Variants in RBFOX2 observed in about 807,000 individuals in gnomAD.
The protein encoded by RBFOX2 is RNA binding protein fox-1 homolog 2.
In RBFOX2, 10 loss-of-function variants were observed where a neutral mutation model predicts 49.1. The ratio of observed to expected loss-of-function variants is 0.20; its 90% CI spans 0.13 to 0.35. The LOEUF is 0.35. Ranked by LOEUF, RBFOX2 falls within the 10% of genes least tolerant of loss-of-function variation. RBFOX2 has a pLI of 1.00. For synonymous variants in RBFOX2, 183 were observed against 187.4 expected, an observed-to-expected ratio of 0.98 and a Z score of 0.19; for missense variants, 323 against 486.9, an observed-to-expected ratio of 0.66 and a Z score of 3.17.
Position 35,849,010 on chromosome 22 carries a change from C to G in RBFOX2, c.-33-39006G>C, listed in dbSNP as rs1025897717. Among the ~76,000 whole-genome samples, 3 of 152,044 alleles carry G rather than the reference C, an allele frequency of 2.0e-5. 1 individual carries two copies. Among genetic ancestry groups the G allele is most frequent in the African/African-American group, 7.2e-5 (3 of 41,392 alleles). ...TATTCAGAAATATGCTTGGCAATGA[C>G]CTAACATTTTCTGATTCTAAATTTC... is the stretch of plus-strand genomic sequence containing the variant. On this transcript the variant is annotated intron_variant, in intron 1 of 13. Transcript: ENST00000359369.
intron 4 of RBFOX2, among the ~76,000 whole-genome samples, chr22:35,777,449 A>T (rs2146998383): frequency 6.6e-6 from 1 of 152,372 alleles, no homozygotes; most frequent in East Asian, 1.9e-4. Context: ...TTTGTGATTT[A>T]GGTGACTCTA....
chr22:35,919,720 T>G (rs1452945516), intron 1 of RBFOX2, among the ~76,000 whole-genome samples: 1 of 152,296 alleles, frequency 6.6e-6, no homozygotes, highest in South Asian at 2.1e-4. Flanking sequence ...TGTTTTAAAG[T>G]GCCCTTGGAG....
At chr22:35,971,341 A>G (rs960460405) in intron 1 of RBFOX2, among the ~76,000 whole-genome samples, 3 of 152,220 alleles carry the variant, frequency 2.0e-5, no homozygotes, top group African/African-American at 7.2e-5. Context: ...ATTTTGAACC[A>G]TTCAGACAAG....
At chr22:36,019,254 G>A (rs566114543) in intron 1 of RBFOX2, among the ~76,000 whole-genome samples, 19 of 152,172 alleles carry the variant, frequency 1.2e-4, no homozygotes, top group African/African-American at 4.6e-4. Flanking sequence ...GCAAAGAATT[G>A]TCTCCCCTTC....
intron 2 of RBFOX2, among the ~76,000 whole-genome samples, chr22:35,805,018 T>C (rs1481970254): frequency 6.6e-6 from 1 of 151,948 alleles, no homozygotes; most frequent in African/African-American, 2.4e-5. Context: ...CTGGGCGCGG[T>C]GGCTCACGCC....
At chr22:35,801,717 C>T (rs934324514) in intron 2 of RBFOX2, among the ~76,000 whole-genome samples, 2 of 152,058 alleles carry the variant, frequency 1.3e-5, no homozygotes, top group African/African-American at 2.4e-5. Context: ...CCTAGCTACT[C>T]GGGAGGCTAA....
intron 2 of RBFOX2, among the ~76,000 whole-genome samples, chr22:35,797,707 G>A (rs144218586): frequency 2.2e-4 from 34 of 152,296 alleles, no homozygotes; most frequent in Non-Finnish European, 4.0e-4. Flanking sequence ...CAGCAAGAAT[G>A]TATTGGTATT....
intron 4 of RBFOX2, among the ~76,000 whole-genome samples, chr22:35,769,944 T>TA (rs1308592467): frequency 2.0e-5 from 3 of 152,190 alleles, no homozygotes; most frequent in Non-Finnish European, 4.4e-5. Context: ...GCTAAGCTGA[T>TA]AGAGATTTTA....
At chr22:35,754,009 C>T (rs1292547100) in intron 9 of RBFOX2, among the ~76,000 whole-genome samples, 1 of 151,292 alleles carries the variant, frequency 6.6e-6, no homozygotes, top group East Asian at 1.9e-4. Context: ...TCTCGTACTC[C>T]TGACTTCAAG....
intron 1 of RBFOX2, among the ~76,000 whole-genome samples, chr22:35,850,193 T>TACACAC (rs58692076): frequency 0.27 from 35,996 of 132,226 alleles, 5,192 homozygotes; most frequent in East Asian, 0.4. Flanking sequence ...CTCTCTCTCA[T>TACACAC]ACACACACAC....
intron 1 of RBFOX2, among the ~76,000 whole-genome samples, chr22:36,007,008 T>G (rs1006756984): frequency 2.0e-5 from 3 of 152,190 alleles, no homozygotes; most frequent in African/African-American, 7.2e-5. Flanking sequence ...CATGGGTGCA[T>G]GTCTAGCTAG....
chr22:36,013,214 A>G (rs2146402805), intron 1 of RBFOX2, among the ~76,000 whole-genome samples: 1 of 152,160 alleles, frequency 6.6e-6, no homozygotes, highest in African/African-American at 2.4e-5. Flanking sequence ...TCAAGGTTGC[A>G]GTGAGCTATG....
intron 1 of RBFOX2, among the ~76,000 whole-genome samples, chr22:35,972,913 A>T (rs2056958178): frequency 6.6e-6 from 1 of 152,268 alleles, no homozygotes; most frequent in African/African-American, 2.4e-5. Flanking sequence ...AAAGAAGTAC[A>T]GCACCAAGAC....
upstream of RBFOX2, among the ~76,000 whole-genome samples, chr22:35,965,438 C>T (rs1288430728): frequency 1.3e-5 from 2 of 152,226 alleles, no homozygotes; most frequent in East Asian, 1.9e-4. Flanking sequence ...GATTTGTTCT[C>T]CTCATAGTCT....
intron 2 of RBFOX2, among the ~76,000 whole-genome samples, chr22:35,784,305 G>C (rs1354385961): frequency 6.6e-6 from 1 of 152,196 alleles, no homozygotes; most frequent in Non-Finnish European, 1.5e-5. Flanking sequence ...TTAGGCCAGA[G>C]GCAGGCGAAG....
At chr22:35,777,892 T>C (rs779344277) in intron 4 of RBFOX2, 133 bp downstream of exon 5, 163 of 909,822 alleles carry the variant, frequency 1.8e-4, no homozygotes, top group Non-Finnish European at 2.4e-4. Flanking sequence ...AGAGATAATC[T>C]AAACCAAGGT....
chr22:35,888,229 C>A (rs745592599), intron 1 of RBFOX2, among the ~76,000 whole-genome samples: 4 of 152,220 alleles, frequency 2.6e-5, no homozygotes, highest in Non-Finnish European at 4.4e-5. Context: ...AGGCCTACTT[C>A]ATCTCTGTAG....
chr22:35,951,073 C>T (rs1055571415), intron 1 of RBFOX2, among the ~76,000 whole-genome samples: 1 of 151,310 alleles, frequency 6.6e-6, no homozygotes, highest in African/African-American at 2.4e-5. Flanking sequence ...CCTGCCTCAG[C>T]CTCCCAGGTA....
chr22:35,759,930 G>A lies in RBFOX2; in HGVS notation c.845C>T (p.Ala282Val). Residue 282 changes from alanine to valine, a missense_variant, in exon 9 of 12, where the codon GCA (alanine) becomes GTA (valine). Ala to Val is a moderately conservative substitution (Grantham distance 64, BLOSUM62 0). Around this residue, in one of 2 missense-constraint regions of RBFOX2, gnomAD observed 200 missense variants for 370.0 expected, o/e 0.54. Transcript: ENST00000405409. This position sits in a 1 kb window ranked among gnomAD's most constrained non-coding sequence, Gnocchi z 4.6. ...GGCTGTTGGAGGTACCGCTCGGACT[G>A]CACCATATACTGTCCGCCCTCTGCC... The A allele has an allele frequency of 6.2e-7, 1 of 1,613,716 alleles. No homozygotes were observed. The highest frequency in any genetic ancestry group is 8.5e-7 in the Non-Finnish European group (1 of 1,180,020).
Sources: gnomAD v4.1 joint callset for allele counts (sites outside exome capture counted in the v4.1 genomes callset) on GRCh38, gnomAD v4.1.1 for gene constraint, gnomAD v4.1.1 regional missense constraint, Gnocchi (gnomAD v3.1) non-coding constraint, MANE v1.5 for transcripts, NCBI Gene and HGNC (gene_info 2026-07-23, HGNC 2026-07-21) for gene names.